Variants in EYS observed in about 807,000 individuals in gnomAD.
The protein encoded by EYS is EGF-like photoreceptor maintenance factor, also known as protein eyes shut homolog.
Under a neutral mutation model 282.1 loss-of-function variants are expected in EYS, and 250 were observed. The ratio of observed to expected loss-of-function variants is 0.89; its 90% CI spans 0.80 to 0.98. The LOEUF (loss-of-function observed/expected upper bound fraction) is 0.98. Ranked by LOEUF, EYS falls within the 50% of genes least tolerant of loss-of-function variation. The pLI, the probability that EYS is intolerant of heterozygous loss-of-function variation, is 0.00. For missense variants in EYS, 4,016 were observed against 3,709.0 expected (o/e 1.08, Z -2.15); for synonymous variants, 1,355 against 1,282.9 (o/e 1.06, Z -1.20).
At chr6:64,990,826 A>C (rs1771037376) in intron 14 of EYS, among the ~76,000 whole-genome samples, 5 of 151,698 alleles carry the variant, frequency 3.3e-5, no homozygotes. Context: ...AGTCCAAAGC[A>C]TTAAAGCTCA....
chr6:63,860,324 T>C (rs1772502244), intron 36 of EYS, among the ~76,000 whole-genome samples: 1 of 152,214 alleles, frequency 6.6e-6, no homozygotes, highest in African/African-American at 2.4e-5. Context: ...AATATTGATA[T>C]GTTAAGCTCT....
At chr6:64,057,743 ATTC>A (rs111637512) in intron 33 of EYS, among the ~76,000 whole-genome samples, 3,615 of 152,266 alleles carry the variant, frequency 0.024, 149 homozygotes, top group African/African-American at 0.083. Context: ...TTTAATTTTT[ATTC>A]TTATTTCACA....
At chr6:64,303,044 A>C (rs998803372) in intron 30 of EYS, among the ~76,000 whole-genome samples, 1 of 152,164 alleles carries the variant, frequency 6.6e-6, no homozygotes, top group African/African-American at 2.4e-5. Flanking sequence ...AGACAACTCA[A>C]GAGGCTGAAC....
rs150360480 is a variant in EYS, at chr6:64,023,810, C to T, written c.6726-24627G>A. On this transcript the variant is annotated intron_variant, in intron 33 of 42. Transcript: ENST00000503581. ...GCGGGTGGGAACTGGGGCTGTGCCGCGGTGTTTGCGGGCCAGCGCGAGTTC... is the reference window on the plus strand; with the variant it reads ...GCGGGTGGGAACTGGGGCTGTGCCGTGGTGTTTGCGGGCCAGCGCGAGTTC... 3.8e-3 allele frequency among the ~76,000 whole-genome samples: 583 copies of T among 152,264 alleles called. 5 individuals are homozygous for T. Among genetic ancestry groups the T allele is most frequent in the African/African-American group, 0.013 (557 of 41,554 alleles).
At chr6:64,210,614 C>T (rs902534098) in intron 31 of EYS, among the ~76,000 whole-genome samples, 6 of 151,942 alleles carry the variant, frequency 3.9e-5, no homozygotes, top group Non-Finnish European at 7.4e-5. Flanking sequence ...TGAGAGGAAA[C>T]GACTCAAACC....
intron 2 of EYS, among the ~76,000 whole-genome samples, chr6:65,526,121 A>G (rs1188232179): frequency 1.3e-5 from 2 of 152,186 alleles, no homozygotes; most frequent in East Asian, 3.9e-4. Context: ...GAGCAATAGC[A>G]TGTCAGTTAG....
chr6:64,100,047 T>C (rs749774679), intron 31 of EYS, among the ~76,000 whole-genome samples: 8 of 152,198 alleles, frequency 5.3e-5, no homozygotes, highest in Non-Finnish European at 1.2e-4. Context: ...GATATACTTA[T>C]TTGGACCTTA....
At chr6:65,081,167 G>T (rs190551030) in intron 12 of EYS, among the ~76,000 whole-genome samples, 26 of 152,096 alleles carry the variant, frequency 1.7e-4, no homozygotes, top group African/African-American at 6.3e-4. Context: ...GTATATTATT[G>T]AAATGAAAAT....
At chr6:63,880,487 G>GTCTCTATC (rs537041801) in intron 35 of EYS, among the ~76,000 whole-genome samples, 21 of 142,780 alleles carry the variant, frequency 1.5e-4, no homozygotes, top group Non-Finnish European at 2.9e-4. Context: ...CTGTCTGTCT[G>GTCTCTATC]TATCTATCTA....
At chr6:64,005,739 GC>G (rs1374598558) in intron 33 of EYS, among the ~76,000 whole-genome samples, 2 of 151,974 alleles carry the variant, frequency 1.3e-5, no homozygotes, top group Non-Finnish European at 2.9e-5. Context: ...CTTTCCCATT[GC>G]TTTTTTTGTT....
intron 5 of EYS, among the ~76,000 whole-genome samples, chr6:65,471,020 C>T (rs1390309636): frequency 6.6e-6 from 1 of 151,760 alleles, no homozygotes; most frequent in Non-Finnish European, 1.5e-5. Flanking sequence ...ACCTGTAATC[C>T]CAACTACTTG....
rs546325404 is a variant in EYS at position 64,014,019 on chromosome 6, T to C, written c.6726-14836A>G. Among the ~76,000 whole-genome samples, 6 of 152,236 alleles carry C rather than the reference T, an allele frequency of 3.9e-5. No homozygotes were observed. The South Asian group carries it at 1.2e-3, about 32-fold the overall frequency. ...ACTCAATTTATTTGGTTTTTAGTAG[T>C]TTTAGGGGTGTTCACTCCTCTGAGT... On this transcript the variant is annotated intron_variant, in intron 33 of 42. Transcript: ENST00000503581.
At chr6:64,834,995 C>CA in intron 19 of EYS, among the ~76,000 whole-genome samples, 1 of 151,388 alleles carries the variant, frequency 6.6e-6, no homozygotes, top group East Asian at 1.9e-4. Context: ...ATGAGTGGCC[C>CA]AATGTGTGTT....
At chr6:65,047,152 G>T (rs1167613916) in intron 13 of EYS, among the ~76,000 whole-genome samples, 1 of 150,890 alleles carries the variant, frequency 6.6e-6, no homozygotes, top group East Asian at 2.0e-4. Context: ...AGCATTTTGA[G>T]AATAGATTAA....
intron 5 of EYS, among the ~76,000 whole-genome samples, chr6:65,450,937 C>T (rs4422599): frequency 0.18 from 28,102 of 151,998 alleles, 3,234 homozygotes; most frequent in Middle Eastern, 0.3. Flanking sequence ...TTTATTCACA[C>T]ATAATTTATC....
intron 22 of EYS, among the ~76,000 whole-genome samples, chr6:64,773,879 T>C (rs542311250): frequency 8.6e-5 from 13 of 152,002 alleles, no homozygotes; most frequent in Admixed American, 8.6e-4. Context: ...ATTCTGTAGG[T>C]TGTCTGTTTA....
intron 26 of EYS, among the ~76,000 whole-genome samples, chr6:64,492,068 A>G (rs1776755943): frequency 6.6e-6 from 1 of 151,212 alleles, no homozygotes; most frequent in South Asian, 2.1e-4. Flanking sequence ...TGACAATTGA[A>G]GAAATTTGAA....
chr6:64,176,345 A>G (rs66509755), intron 31 of EYS, among the ~76,000 whole-genome samples: 46,851 of 151,958 alleles, frequency 0.31, 7,299 homozygotes, highest in East Asian at 0.5. Flanking sequence ...AAGAAGTAAC[A>G]GGTGGGAGCA....
chr6:65,247,052 T>C (rs1373698582), intron 12 of EYS, among the ~76,000 whole-genome samples: 1 of 152,068 alleles, frequency 6.6e-6, no homozygotes, highest in East Asian at 1.9e-4. Flanking sequence ...AAATAGTTCA[T>C]AGGGTGATTT....
Sources: gnomAD v4.1 joint callset for allele counts (sites outside exome capture counted in the v4.1 genomes callset) on GRCh38, gnomAD v4.1.1 for gene constraint, MANE v1.5 for transcripts, NCBI Gene and HGNC (gene_info 2026-07-23, HGNC 2026-07-21) for gene names.